The following KIF6 variants were observed in gnomAD, a reference collection of about 807,000 sequenced individuals.
KIF6 encodes the protein kinesin-like protein KIF6.
A neutral mutation model predicts 112.7 loss-of-function variants in KIF6; 106 were observed. The observed-to-expected ratio is 0.94, with a 90% CI of 0.80 to 1.11. The LOEUF (loss-of-function observed/expected upper bound fraction) is 1.11, where lower values mean the gene tolerates loss of function less well. Ranked by LOEUF, KIF6 falls within the 50% of genes least tolerant of loss-of-function variation. The pLI, the probability that KIF6 is intolerant of heterozygous loss-of-function variation, is 0.00. For synonymous variants in KIF6, 339 were observed against 339.9 expected, an observed-to-expected ratio of 1.00 and a Z score of 0.03; for missense variants, 929 against 964.0, an observed-to-expected ratio of 0.96 and a Z score of 0.48.
intron 13 of KIF6, among the ~76,000 whole-genome samples, chr6:39,506,777 C>T (rs535974278): frequency 1.3e-5 from 2 of 152,224 alleles, no homozygotes; most frequent in South Asian, 2.1e-4. Flanking sequence ...AACTGGCCAC[C>T]AGAAAGAGCA....
At chr6:39,599,185 T>C (rs1782446798) in intron 6 of KIF6, among the ~76,000 whole-genome samples, 1 of 152,166 alleles carries the variant, frequency 6.6e-6, no homozygotes, top group Non-Finnish European at 1.5e-5. Flanking sequence ...TGATTCAAGA[T>C]ACAAGTGACA....
At chr6:39,373,086 A>G (rs1001578009) in intron 16 of KIF6, among the ~76,000 whole-genome samples, 9 of 152,234 alleles carry the variant, frequency 5.9e-5, no homozygotes, top group African/African-American at 1.7e-4. Context: ...GGGGCCAGCC[A>G]TAATACATTC....
intron 13 of KIF6, among the ~76,000 whole-genome samples, chr6:39,498,829 T>G (rs137898156): frequency 6.6e-6 from 1 of 152,144 alleles, no homozygotes; most frequent in African/African-American, 2.4e-5. Flanking sequence ...AAGGGAAAAT[T>G]TGACTAGCGT....
chr6:39,548,116 A>G (rs2150574332), intron 10 of KIF6, among the ~76,000 whole-genome samples: 2 of 152,342 alleles, frequency 1.3e-5, no homozygotes, highest in Middle Eastern at 6.8e-3. Flanking sequence ...GTTGGAAGTA[A>G]TGGTTAATCA....
At chr6:39,500,060 C>A (rs183712409) in intron 13 of KIF6, among the ~76,000 whole-genome samples, 118 of 152,178 alleles carry the variant, frequency 7.8e-4, no homozygotes, top group Non-Finnish European at 1.6e-3. Context: ...CTGGAGTGGC[C>A]ATCATCAGGG....
chr6:39,555,953 C>CAAAAAA (rs35420944), intron 10 of KIF6, among the ~76,000 whole-genome samples: 13 of 77,632 alleles, frequency 1.7e-4, no homozygotes, highest in African/African-American at 4.3e-4. Flanking sequence ...GACGCTGTCT[C>CAAAAAA]AAAAAAAAAA....
chr6:39,405,823 T>C (rs542194808), intron 15 of KIF6, among the ~76,000 whole-genome samples: 14 of 152,298 alleles, frequency 9.2e-5, no homozygotes, highest in African/African-American at 3.4e-4. Flanking sequence ...CTTCATTCTT[T>C]TTGGGAGACT....
chr6:39,625,662 C>T (rs1784054646), intron 5 of KIF6, among the ~76,000 whole-genome samples: 1 of 152,104 alleles, frequency 6.6e-6, no homozygotes, highest in African/African-American at 2.4e-5. Flanking sequence ...AAAAATAACA[C>T]AAATGAAACA....
chr6:39,491,049 TCA>T (rs1431697794), intron 13 of KIF6, among the ~76,000 whole-genome samples: 1 of 152,124 alleles, frequency 6.6e-6, no homozygotes, highest in African/African-American at 2.4e-5. Flanking sequence ...CTTTGTCCCA[TCA>T]CCATCAGGAG....
intron 3 of KIF6, chr6:39,690,550 AG>A (rs1788139383): frequency 6.6e-6 from 1 of 152,560 alleles, no homozygotes; most frequent in Non-Finnish European, 1.5e-5. Context: ...AGGGCAGTGT[AG>A]GGAACAGACA....
intron 3 of KIF6, among the ~76,000 whole-genome samples, chr6:39,643,261 C>T (rs1389839185): frequency 1.3e-5 from 2 of 150,686 alleles, no homozygotes; most frequent in African/African-American, 4.9e-5. Context: ...AACTGATCTA[C>T]ATTTGTGCGA....
rs1261159600 is a variant in KIF6 at position 39,385,605 on chromosome 6, A to C, written c.1861+17T>G. 6.2e-7 allele frequency: 1 copy of C among 1,604,926 alleles called. No homozygotes were observed. Among genetic ancestry groups the C allele is most frequent in the South Asian group, 1.1e-5 (1 of 90,872 alleles). On this transcript the variant is annotated intron_variant, in intron 16 of 22. Coordinates refer to ENST00000287152, the MANE Select transcript of KIF6 (RefSeq NM_145027.6). ...TATTACCTTCATCCTCTTCCTGCAG[A>C]TTCTCTTTGTACCTACCTAGGGCTA...
chr6:39,370,923 C>T (rs140541832), intron 16 of KIF6, among the ~76,000 whole-genome samples: 1 of 152,042 alleles, frequency 6.6e-6, no homozygotes, highest in Non-Finnish European at 1.5e-5. Flanking sequence ...GTGGCAAGAG[C>T]AGGGTTACTA....
chr6:39,468,636 A>G (rs1177047871), intron 13 of KIF6, among the ~76,000 whole-genome samples: 1 of 152,188 alleles, frequency 6.6e-6, no homozygotes, highest in Non-Finnish European at 1.5e-5. Flanking sequence ...TTCAAAAATT[A>G]AGGTGAAAGA....
At chr6:39,478,288 TATG>T (rs1774565996) in intron 13 of KIF6, among the ~76,000 whole-genome samples, 2 of 151,752 alleles carry the variant, frequency 1.3e-5, no homozygotes, top group Admixed American at 1.3e-4. Flanking sequence ...AGTGAGAACA[TATG>T]ATGTTTGGTC....
chr6:39,523,645 CATATAT>C (rs56952665), intron 13 of KIF6, among the ~76,000 whole-genome samples: 467 of 32,336 alleles, frequency 0.014, 11 homozygotes, highest in Admixed American at 0.022. Flanking sequence ...TTAATTCTGC[CATATAT>C]ATATATATAT....
intron 15 of KIF6, among the ~76,000 whole-genome samples, chr6:39,408,379 C>T (rs911354080): frequency 1.3e-5 from 2 of 151,968 alleles, no homozygotes; most frequent in Non-Finnish European, 2.9e-5. Context: ...ACTCATCTAT[C>T]GCAAAGAAAC....
At chr6:39,496,311 G>A (rs572795500) in intron 13 of KIF6, among the ~76,000 whole-genome samples, 1 of 152,346 alleles carries the variant, frequency 6.6e-6, no homozygotes, top group South Asian at 2.1e-4. Flanking sequence ...AATCTAGACT[G>A]AGTTTCGAAT....
intron 2 of KIF6, among the ~76,000 whole-genome samples, chr6:39,718,750 A>AAAG (rs1790027271): frequency 1.3e-5 from 2 of 151,810 alleles, no homozygotes; most frequent in Admixed American, 6.6e-5. Flanking sequence ...AAAAAAAAAA[A>AAAG]AAAGAAAGAA....
Sources: allele counts gnomAD v4.1 joint callset (sites outside exome capture counted in the v4.1 genomes callset), GRCh38; gene constraint gnomAD v4.1.1; transcripts MANE v1.5; gene names NCBI Gene and HGNC (gene_info 2026-07-23, HGNC 2026-07-21).